MSANTD2: variants seen among roughly 807,000 people sequenced by gnomAD.
MSANTD2 encodes the protein Myb/SANT DNA binding domain containing 2.
In MSANTD2, 19 loss-of-function variants were observed where a neutral mutation model predicts 52.6. The observed-to-expected ratio is 0.36, with a 90% confidence interval of 0.25 to 0.53. The LOEUF is 0.53. Ranked by LOEUF, MSANTD2 falls within the 20% of genes least tolerant of loss-of-function variation. The probability of loss-of-function intolerance (pLI) is 0.91; values close to 1 mark genes in which losing one functional copy is unlikely to be tolerated. For missense variants in MSANTD2, 558 were observed against 716.3 expected (o/e 0.78, Z 2.52); for synonymous variants, 291 against 289.7 (o/e 1.00, Z -0.04).
intron 3 of MSANTD2, among the ~76,000 whole-genome samples, chr11:124,768,560 T>C (rs1281524645): frequency 2.6e-5 from 4 of 152,214 alleles, no homozygotes; most frequent in Admixed American, 2.6e-4. Flanking sequence ...ATAATGGGCT[T>C]TGTGTGTGCT....
At chr11:124,784,073 T>C in intron 1 of MSANTD2, 1 of 985,186 alleles carries the variant, frequency 1.0e-6, no homozygotes. Context: ...TATTTCAGTA[T>C]ATAAGCAGCA....
chr11:124,800,368 A>C lies in MSANTD2; in HGVS notation c.13T>G (p.Cys5Gly). MAAPCGSELPANSPL... is the reference protein window; with the variant it reads MAAPGGSELPANSPL... ...GAGTTGGCGGGCAGCTCCGAGCCAC[A>C]GGGCGCAGCCATCTTCCAAGCGGCC... is the stretch of plus-strand genomic sequence containing the variant. The change falls in exon 1 of 4, where the codon TGT becomes GGT. Residue 5 changes from cysteine (C) to glycine (G), a missense_variant. By Grantham distance (159) the Cys-to-Gly change is radical. Coordinates refer to ENST00000374979, the MANE Select transcript of MSANTD2 (RefSeq NM_001308027.2). The surrounding 1 kb of genome is among the most constrained non-coding windows in gnomAD (Gnocchi z 4.3). The C allele has an allele frequency of 6.5e-7, 1 of 1,530,990 alleles. No homozygotes were observed. The highest frequency in any genetic ancestry group is 8.8e-7 in the Non-Finnish European group (1 of 1,139,806). The allele number at this position is 1,530,990 out of a possible 1,614,324, so 94.8% of individuals were successfully genotyped here. A position where few individuals can be genotyped will look rare whatever the true frequency, so the allele number is the denominator to read the frequency against.
intron 1 of MSANTD2, among the ~76,000 whole-genome samples, chr11:124,777,456 G>C (rs1416492333): frequency 6.6e-6 from 1 of 152,218 alleles, no homozygotes; most frequent in Non-Finnish European, 1.5e-5. Flanking sequence ...TCTGGCGATA[G>C]ACATGGTAGG....
At position 124,767,137 on chromosome 11, in the gene MSANTD2, G is replaced by A; in HGVS notation, c.*39C>T. The A allele has an allele frequency of 6.5e-7, 1 of 1,545,386 alleles. No homozygotes were observed. The highest frequency in any genetic ancestry group is 8.7e-7 in the Non-Finnish European group (1 of 1,149,992). On this transcript the variant is annotated 3_prime_UTR_variant, in exon 4 of 4. Transcript: ENST00000374979. The surrounding 1 kb of genome is among the most constrained non-coding windows in gnomAD (Gnocchi z 6.5). Reference sequence around the variant, plus strand: ...CGGGTAATGGGAAGTGAGTAGAGAAGAAGGAGCTAAGAGCCCAAATCCTTA... The same window carrying A: ...CGGGTAATGGGAAGTGAGTAGAGAAAAAGGAGCTAAGAGCCCAAATCCTTA...
rs143124956 is a variant in MSANTD2, at chr11:124,791,475, G to A, written c.510+8396C>T. ...CCCCACCTGCACTGGGAGGTCAGGC[G>A]AGTCACTCTCCTAAATGGCTGAGGG... On this transcript the variant is annotated intron_variant, in intron 1 of 3. Transcript: ENST00000374979. 688 of 1,133,846 alleles carry A rather than the reference G, an allele frequency of 6.1e-4. 7 individuals carry two copies. The African/African-American group carries it at 9.4e-3, about 15-fold the overall frequency. 70.2% of individuals were successfully genotyped at this position (1,133,846 alleles called of 1,614,324 possible).
In MSANTD2 at chr11:124,767,143, G is replaced by A. The variant is rs1398072007; in HGVS notation, c.*33C>T. On this transcript the variant is annotated 3_prime_UTR_variant, in exon 4 of 4. Transcript: ENST00000374979. This position sits in a 1 kb window ranked among gnomAD's most constrained non-coding sequence, Gnocchi z 6.5. ...ATGGGAAGTGAGTAGAGAAGAAGGA[G>A]CTAAGAGCCCAAATCCTTATGAAGG... 1.3e-6 allele frequency: 2 copies of A among 1,553,408 alleles called. No homozygotes were observed. The highest frequency in any genetic ancestry group is 1.7e-6 in the Non-Finnish European group (2 of 1,153,748).
At chr11:124,784,399 G>A in intron 1 of MSANTD2, 2 of 985,280 alleles carry the variant, frequency 2.0e-6, no homozygotes, top group Non-Finnish European at 2.4e-6. Context: ...CATAGCAGGG[G>A]AGAACCAGTC....
chr11:124,773,090 C>T, intron 2 of MSANTD2, 36 bp from the exon 3 acceptor site: 1 of 1,263,182 alleles, frequency 7.9e-7, no homozygotes, highest in Non-Finnish European at 1.2e-6. Flanking sequence ...GTTATACTTT[C>T]CTAAGTGGTG....
chr11:124,785,699 G>A (rs1168111371), intron 1 of MSANTD2, among the ~76,000 whole-genome samples: 1 of 152,086 alleles, frequency 6.6e-6, no homozygotes, highest in East Asian at 1.9e-4. Context: ...CAGCTGGGGG[G>A]GGACTAGCGT....
chr11:124,798,528 C>G (rs1311650471), intron 1 of MSANTD2, among the ~76,000 whole-genome samples: 1 of 152,072 alleles, frequency 6.6e-6, no homozygotes, highest in Non-Finnish European at 1.5e-5. Context: ...TTATCAAATA[C>G]ACTAATTTAA....
chr11:124,786,095 C>CTTTTTTTTT (rs200399771), intron 1 of MSANTD2, among the ~76,000 whole-genome samples: 13 of 114,384 alleles, frequency 1.1e-4, no homozygotes, highest in Admixed American at 1.9e-4. Flanking sequence ...ATCATTTCTT[C>CTTTTTTTTT]TTTTTTTTTT....
intron 1 of MSANTD2, chr11:124,791,444 ACCCCT>A: frequency 8.1e-7 from 1 of 1,231,986 alleles, no homozygotes; most frequent in African/African-American, 1.5e-5. Context: ...AGACTTCCGG[ACCCCT>A]CCCCACCTGC....
intron 1 of MSANTD2, among the ~76,000 whole-genome samples, chr11:124,787,469 C>T (rs1829262198): frequency 1.3e-5 from 2 of 152,194 alleles, no homozygotes; most frequent in Admixed American, 6.5e-5. Flanking sequence ...CAACCTCCAC[C>T]TCCTGGGTTC....
intron 1 of MSANTD2, among the ~76,000 whole-genome samples, chr11:124,796,939 T>C (rs551799265): frequency 8.5e-5 from 13 of 152,364 alleles, no homozygotes; most frequent in Admixed American, 5.2e-4. Flanking sequence ...GATTTTAAGA[T>C]AGCAGTTTTA....
At chr11:124,795,513 T>G (rs933211696) in intron 1 of MSANTD2, among the ~76,000 whole-genome samples, 51 of 152,202 alleles carry the variant, frequency 3.4e-4, no homozygotes, top group African/African-American at 1.1e-3. Context: ...GTCACTCCTT[T>G]GAAGTCATCA....
At chr11:124,770,780 G>GTTTTTTTTTTTTTTTTTTTT (rs1054956993) in intron 3 of MSANTD2, among the ~76,000 whole-genome samples, 1 of 132,206 alleles carries the variant, frequency 7.6e-6, no homozygotes, top group Non-Finnish European at 1.6e-5. Context: ...TAATTTTTTG[G>GTTTTTTTTTTTTTTTTTTTT]TTTTTTTTTT....
At chr11:124,770,309 T>G (rs1257727647) in intron 3 of MSANTD2, among the ~76,000 whole-genome samples, 2 of 130,816 alleles carry the variant, frequency 1.5e-5, no homozygotes, top group East Asian at 2.1e-4. Context: ...TTTTTTTGTT[T>G]GTTTGTTTTT....
Position 124,767,166 on chromosome 11 carries a change from A to G in MSANTD2, c.*10T>C. ...GAGCTAAGAGCCCAAATCCTTATGA[A>G]GGATGACATTCAGTTGTTAAATTTT... is the stretch of plus-strand genomic sequence containing the variant. On this transcript the variant is annotated 3_prime_UTR_variant, in exon 4 of 4. Transcript: ENST00000374979. This position sits in a 1 kb window ranked among gnomAD's most constrained non-coding sequence, Gnocchi z 6.5. 6.3e-7 allele frequency: 1 copy of G among 1,580,442 alleles called. No homozygotes were observed. Among genetic ancestry groups the G allele is most frequent in the South Asian group, 1.2e-5 (1 of 83,864 alleles).
At chr11:124,777,151 T>C (rs575856219) in intron 1 of MSANTD2, among the ~76,000 whole-genome samples, 1 of 152,304 alleles carries the variant, frequency 6.6e-6, no homozygotes. Context: ...TCACAATGTC[T>C]AGTTTCTGCC....
Sources: gnomAD v4.1 joint callset for allele counts (sites outside exome capture counted in the v4.1 genomes callset) on GRCh38, gnomAD v4.1.1 for gene constraint, Gnocchi (gnomAD v3.1) non-coding constraint, MANE v1.5 for transcripts, NCBI Gene and HGNC (gene_info 2026-07-23, HGNC 2026-07-21) for gene names.